LRFN5: variants seen among roughly 807,000 people sequenced by gnomAD.
LRFN5 encodes the protein leucine rich repeat and fibronectin type III domain containing 5.
In LRFN5, 24 loss-of-function variants were observed where a neutral mutation model predicts 45.6. The ratio of observed to expected loss-of-function variants is 0.53; its 90% CI spans 0.38 to 0.74. The LOEUF (loss-of-function observed/expected upper bound fraction) is 0.74, where lower values mean the gene tolerates loss of function less well. Among genes scored for constraint, LRFN5 ranks in the 30% least tolerant of loss-of-function variants. LRFN5 has a pLI of 0.00. For missense variants in LRFN5, 776 were observed against 861.5 expected (o/e 0.90, Z 1.24); for synonymous variants, 340 against 313.8 (o/e 1.08, Z -0.88).
intron 1 of LRFN5, among the ~76,000 whole-genome samples, chr14:41,716,640 A>G (rs1883506444): frequency 1.3e-5 from 2 of 152,070 alleles, no homozygotes; most frequent in Non-Finnish European, 2.9e-5. Context: ...CCATATCCCT[A>G]TCAGCATTTT....
intron 1 of LRFN5, among the ~76,000 whole-genome samples, chr14:41,634,495 T>A (rs1448676269): frequency 6.6e-6 from 1 of 152,166 alleles, no homozygotes; most frequent in African/African-American, 2.4e-5. Flanking sequence ...ACACGAGATC[T>A]TCTGTACTTC....
At chr14:41,705,313 G>A (rs942821819) in intron 1 of LRFN5, among the ~76,000 whole-genome samples, 3 of 152,184 alleles carry the variant, frequency 2.0e-5, no homozygotes, top group Non-Finnish European at 4.4e-5. Context: ...ACAGCTGCCA[G>A]TTCTCCAAGT....
intron 2 of LRFN5, among the ~76,000 whole-genome samples, chr14:41,806,789 C>CT (rs2138981330): frequency 6.6e-6 from 1 of 152,272 alleles, no homozygotes; most frequent in African/African-American, 2.4e-5. Context: ...ACAGACAGAT[C>CT]TGAAGAAGCA....
At chr14:41,774,686 C>T (rs781295391) in intron 2 of LRFN5, among the ~76,000 whole-genome samples, 3 of 152,064 alleles carry the variant, frequency 2.0e-5, no homozygotes, top group Admixed American at 6.5e-5. Flanking sequence ...TTTTGAAAAG[C>T]GTTAACTTAG....
At chr14:41,893,076 T>C in intron 4 of LRFN5, 1 of 985,174 alleles carries the variant, frequency 1.0e-6, no homozygotes, top group Non-Finnish European at 1.2e-6. Flanking sequence ...GATTTTTTTT[T>C]TCCCATTTGC....
chr14:41,755,202 G>T (rs1885319189), intron 1 of LRFN5, among the ~76,000 whole-genome samples: 1 of 152,140 alleles, frequency 6.6e-6, no homozygotes, highest in African/African-American at 2.4e-5. Flanking sequence ...GTCAATTTTG[G>T]AATCAGTGCA....
chr14:41,898,386 G>A (rs915988914), intron 4 of LRFN5, among the ~76,000 whole-genome samples: 1 of 152,046 alleles, frequency 6.6e-6, no homozygotes, highest in African/African-American at 2.4e-5. Flanking sequence ...CTTACATAGG[G>A]ACAAACAGGT....
At chr14:41,807,588 G>C (rs1454570927) in intron 2 of LRFN5, among the ~76,000 whole-genome samples, 1 of 152,116 alleles carries the variant, frequency 6.6e-6, no homozygotes, top group Non-Finnish European at 1.5e-5. Flanking sequence ...TTTGCAAGAA[G>C]ATCCTGAGCA....
intron 1 of LRFN5, among the ~76,000 whole-genome samples, chr14:41,692,267 T>C (rs1289488629): frequency 6.6e-6 from 1 of 152,130 alleles, no homozygotes; most frequent in Non-Finnish European, 1.5e-5. Flanking sequence ...CTTTAAATTT[T>C]AGCTGTTCTT....
chr14:41,706,163 C>T (rs1321542317), intron 1 of LRFN5, among the ~76,000 whole-genome samples: 1 of 151,802 alleles, frequency 6.6e-6, no homozygotes, highest in African/African-American at 2.4e-5. Context: ...TGCAATGGTG[C>T]GATCTTGGCT....
rs1434328540 is a variant in LRFN5 at position 41,904,422 on chromosome 14, A to G, written c.*247A>G. The G allele has an allele frequency of 1.4e-5, 6 of 434,902 alleles. No homozygotes were observed. Among genetic ancestry groups the G allele is most frequent in the African/African-American group, 4.1e-5 (2 of 48,976 alleles). 26.9% of individuals were successfully genotyped at this position (434,902 alleles called of 1,614,324 possible). The stretch of plus-strand genomic sequence containing the variant: ...TACAAGTATTTTTTTTTTAAAAAAG[A>G]AAAAAAGCCTACATTGGCATCAAGT... On this transcript the variant is annotated 3_prime_UTR_variant, in exon 6 of 6. Transcript: ENST00000298119.
chr14:41,842,100 A>G (rs1490123575), intron 2 of LRFN5, among the ~76,000 whole-genome samples: 1 of 152,052 alleles, frequency 6.6e-6, no homozygotes, highest in East Asian at 1.9e-4. Flanking sequence ...AATTTGATAT[A>G]TGCTATAAAT....
At chr14:41,682,539 T>G (rs879098789) in intron 1 of LRFN5, among the ~76,000 whole-genome samples, 1 of 152,106 alleles carries the variant, frequency 6.6e-6, no homozygotes, top group Admixed American at 6.5e-5. Context: ...GTTATTTTTT[T>G]GAAAAGACAA....
chr14:41,794,522 T>G (rs1276340258), intron 2 of LRFN5, among the ~76,000 whole-genome samples: 1 of 152,048 alleles, frequency 6.6e-6, no homozygotes, highest in African/African-American at 2.4e-5. Context: ...GTTGCTCTAT[T>G]TAGCTCTCTC....
In LRFN5 at chr14:41,797,519, C is replaced by T. The variant is rs556901981; in HGVS notation, c.-21+30490C>T. On this transcript the variant is annotated intron_variant, in intron 2 of 5. Transcript: ENST00000298119. Reference sequence around the variant, plus strand: ...TACCTAATACCTTATTGGAAAAGTGCTCTGTCCTTATTCTTTTTCTTTCTT... The same window carrying T: ...TACCTAATACCTTATTGGAAAAGTGTTCTGTCCTTATTCTTTTTCTTTCTT... 1.4e-4 allele frequency among the ~76,000 whole-genome samples: 21 copies of T among 151,636 alleles called. No individual in the cohort carries two copies. The South Asian group carries it at 2.1e-3, about 15-fold the overall frequency.
Position 41,688,106 on chromosome 14 carries a change from T to G in LRFN5, c.-196-78748T>G, listed in dbSNP as rs571561989. Among the ~76,000 whole-genome samples, 217 of 152,284 alleles carry G rather than the reference T, an allele frequency of 1.4e-3. 1 individual carries two copies. The highest frequency in any genetic ancestry group is 4.0e-3 in the African/African-American group (167 of 41,560). On this transcript the variant is annotated intron_variant, in intron 1 of 5. Coordinates refer to ENST00000298119, the MANE Select transcript of LRFN5 (RefSeq NM_152447.5). ...CATTTCTTCACTTATTTGTGAGAGC[T>G]AAAAATTAACAGTTGAGCACATGGA...
chr14:41,771,657 C>T (rs974068429), intron 2 of LRFN5, among the ~76,000 whole-genome samples: 2 of 152,134 alleles, frequency 1.3e-5, no homozygotes, highest in Non-Finnish European at 2.9e-5. Context: ...AGGACCTTTA[C>T]TCCATTTCCC....
At chr14:41,704,428 C>CTGTGTGTGTG (rs1194463733) in intron 1 of LRFN5, among the ~76,000 whole-genome samples, 13 of 42,438 alleles carry the variant, frequency 3.1e-4, no homozygotes, top group African/African-American at 2.8e-3. Context: ...CTCTCTCTCT[C>CTGTGTGTGTG]TCTCTCTCTC....
At chr14:41,623,223 T>C (rs182555929) in intron 1 of LRFN5, among the ~76,000 whole-genome samples, 9 of 152,222 alleles carry the variant, frequency 5.9e-5, no homozygotes, top group Admixed American at 5.2e-4. Context: ...AAAATTAACC[T>C]CCTGTGGTGA....
Sources: gnomAD v4.1 joint callset for allele counts (sites outside exome capture counted in the v4.1 genomes callset) on GRCh38, gnomAD v4.1.1 for gene constraint, MANE v1.5 for transcripts, NCBI Gene and HGNC (gene_info 2026-07-23, HGNC 2026-07-21) for gene names.